The following CDKL2 variants were observed in gnomAD, a reference collection of about 807,000 sequenced individuals.
CDKL2 encodes the protein cyclin-dependent kinase-like 2.
Under a neutral mutation model 63.9 loss-of-function variants are expected in CDKL2, and 64 were observed. The ratio of observed to expected loss-of-function variants is 1.00; its 90% CI spans 0.82 to 1.23. The LOEUF (loss-of-function observed/expected upper bound fraction) is 1.23, where lower values mean the gene tolerates loss of function less well. Among genes scored for constraint, CDKL2 ranks in the 50% most tolerant of loss-of-function variants. The pLI, the probability that CDKL2 is intolerant of heterozygous loss-of-function variation, is 0.00. For synonymous variants in CDKL2, 211 were observed against 229.2 expected (o/e 0.92, Z 0.72); for missense variants, 656 against 668.0 (o/e 0.98, Z 0.20).
At chr4:75,613,123 T>C (rs1578344546) in intron 3 of CDKL2, among the ~76,000 whole-genome samples, 1 of 43,322 alleles carries the variant, frequency 2.3e-5, no homozygotes, top group Admixed American at 2.0e-4. Context: ...AGACTCCGTT[T>C]CAAAAAAAAA....
intron 10 of CDKL2, among the ~76,000 whole-genome samples, chr4:75,594,290 A>C (rs1005584042): frequency 6.6e-6 from 1 of 152,038 alleles, no homozygotes; most frequent in Non-Finnish European, 1.5e-5. Context: ...TCTACTAAAA[A>C]TACAAAAATT....
chr4:75,616,144 A>G (rs1729915340), intron 2 of CDKL2, among the ~76,000 whole-genome samples: 1 of 152,174 alleles, frequency 6.6e-6, no homozygotes, highest in African/African-American at 2.4e-5. Flanking sequence ...ATAGTTATCA[A>G]GGTAAGCAAT....
At chr4:75,586,495 G>T (rs2148861532) in intron 12 of CDKL2, among the ~76,000 whole-genome samples, 3 of 152,258 alleles carry the variant, frequency 2.0e-5, no homozygotes, top group Middle Eastern at 6.8e-3. Context: ...CTCCCAAAGT[G>T]CTGGGATTAC....
At chr4:75,613,653 G>T (rs554777605) in intron 3 of CDKL2, among the ~76,000 whole-genome samples, 1 of 152,230 alleles carries the variant, frequency 6.6e-6, no homozygotes, top group African/African-American at 2.4e-5. Flanking sequence ...TTGTAATTAG[G>T]CAAGAGAACA....
At chr4:75,626,976 G>A (rs1025309632) in intron 1 of CDKL2, among the ~76,000 whole-genome samples, 6 of 151,844 alleles carry the variant, frequency 4.0e-5, no homozygotes, top group African/African-American at 1.5e-4. Flanking sequence ...GGCGGAGGCG[G>A]GCAGATCACC....
chr4:75,621,684 C>T (rs1017894075), intron 2 of CDKL2, among the ~76,000 whole-genome samples: 9 of 152,070 alleles, frequency 5.9e-5, no homozygotes, highest in Admixed American at 3.3e-4. Context: ...TATAGGCCCA[C>T]GCTATCGCAC....
Position 75,586,538 on chromosome 4 carries a change from C to A in CDKL2, c.1648-4640G>T, listed in dbSNP as rs188011976. 1.5e-3 allele frequency among the ~76,000 whole-genome samples: 229 copies of A among 151,772 alleles called. 1 individual carries two copies. Among genetic ancestry groups the A allele is most frequent in the African/African-American group, 5.4e-3 (223 of 41,392 alleles). Reference sequence around the variant, plus strand: ...AGCCACTGCGCCCAGCCTGGACTAGCCTTAATGTTAAAACATGACAAAGAT... The same window carrying A: ...AGCCACTGCGCCCAGCCTGGACTAGACTTAATGTTAAAACATGACAAAGAT... On this transcript the variant is annotated intron_variant, in intron 12 of 13. Coordinates refer to ENST00000307465, the MANE Select transcript of CDKL2 (RefSeq NM_001330724.2).
chr4:75,580,295 A>G (rs1728204887), intron 13 of CDKL2, among the ~76,000 whole-genome samples: 1 of 151,952 alleles, frequency 6.6e-6, no homozygotes, highest in Admixed American at 6.6e-5. Flanking sequence ...GAATGTGGGA[A>G]TTTATCATCA....
intron 12 of CDKL2, 24 bp downstream of exon 12, chr4:75,591,795 A>T (rs1350680069): frequency 1.4e-6 from 2 of 1,460,330 alleles, no homozygotes; most frequent in East Asian, 2.5e-5. Context: ...AGTTCTGTCC[A>T]TCCTATAAAG....
intron 3 of CDKL2, among the ~76,000 whole-genome samples, chr4:75,613,109 A>G (rs890432430): frequency 7.1e-6 from 1 of 140,892 alleles, no homozygotes; most frequent in Non-Finnish European, 1.5e-5. Flanking sequence ...TGGGCGATAG[A>G]GGGAGACTCC....
intron 2 of CDKL2, among the ~76,000 whole-genome samples, chr4:75,615,583 C>T (rs1729894285): frequency 1.3e-5 from 2 of 152,136 alleles, no homozygotes; most frequent in African/African-American, 4.8e-5. Flanking sequence ...AGCATTGAAT[C>T]CATTTAAGGC....
intron 9 of CDKL2, 129 bp downstream of exon 9, chr4:75,596,806 A>G: frequency 1.3e-6 from 1 of 780,658 alleles, no homozygotes; most frequent in Non-Finnish European, 2.0e-6. Flanking sequence ...CTTTTGAAAC[A>G]GCTACCTGAC....
At chr4:75,595,943 A>G (rs948700650) in intron 10 of CDKL2, 9 of 293,682 alleles carry the variant, frequency 3.1e-5, no homozygotes, top group Non-Finnish European at 5.6e-5. Flanking sequence ...AAAAGAAAAG[A>G]AAAAGAAAGA....
At chr4:75,616,268 C>T (rs900972015) in intron 2 of CDKL2, among the ~76,000 whole-genome samples, 11 of 151,892 alleles carry the variant, frequency 7.2e-5, no homozygotes, top group Admixed American at 6.6e-5. Flanking sequence ...CATGCCACTG[C>T]ATTCCAGCCT....
At position 75,596,289 on chromosome 4, in the gene CDKL2, T is replaced by C. The variant is rs1409845945; in HGVS notation, c.1374A>G (p.Arg458=). The C allele has an allele frequency of 2.5e-6, 4 of 1,612,636 alleles. No homozygotes were observed. Among genetic ancestry groups the C allele is most frequent in the Non-Finnish European group, 3.4e-6 (4 of 1,178,738 alleles). Residue 458 remains arginine (R), a synonymous_variant, in exon 10 of 14, where the codon AGA becomes AGG. Transcript: ENST00000307465. ...TGTTATAAATGCCTGATGGGGAATGTCTGTTCGGTTTAACAAATGGAATAG... is the reference window on the plus strand; with the variant it reads ...TGTTATAAATGCCTGATGGGGAATGCCTGTTCGGTTTAACAAATGGAATAG... ...KCSIPFVKPN[R]HSPSGIYNIN...
intron 2 of CDKL2, 104 bp from the exon 3 acceptor site, chr4:75,614,553 C>T (rs541675396): frequency 5.5e-5 from 38 of 687,804 alleles, no homozygotes; most frequent in African/African-American, 3.6e-4. Flanking sequence ...TAGATCTCAG[C>T]GTAAGAAAAA....
intron 13 of CDKL2, 147 bp from the exon 14 acceptor site, chr4:75,579,325 G>C (rs1470987095): frequency 6.6e-6 from 1 of 152,216 alleles, no homozygotes; most frequent in Non-Finnish European, 1.5e-5. Context: ...ATTTCAATTA[G>C]ATGTATCAAA....
At chr4:75,588,661 T>C (rs1728579447) in intron 12 of CDKL2, among the ~76,000 whole-genome samples, 1 of 152,192 alleles carries the variant, frequency 6.6e-6, no homozygotes, top group Non-Finnish European at 1.5e-5. Flanking sequence ...TGTGTATGTA[T>C]ATACATATGT....
chr4:75,580,293 G>A (rs772423779), intron 13 of CDKL2, among the ~76,000 whole-genome samples: 12 of 151,702 alleles, frequency 7.9e-5, no homozygotes, highest in Non-Finnish European at 1.3e-4. Flanking sequence ...GAGAATGTGG[G>A]AATTTATCAT....
Sources: allele counts gnomAD v4.1 joint callset (sites outside exome capture counted in the v4.1 genomes callset), GRCh38; gene constraint gnomAD v4.1.1; transcripts MANE v1.5; gene names NCBI Gene and HGNC (gene_info 2026-07-23, HGNC 2026-07-21).